PDE4D: variants seen among roughly 807,000 people sequenced by gnomAD.
PDE4D encodes phosphodiesterase 4D.
Under a neutral mutation model 87.4 loss-of-function variants are expected in PDE4D, and 24 were observed. The ratio of observed to expected loss-of-function variants is 0.27; its 90% CI spans 0.20 to 0.39. The LOEUF is 0.39. PDE4D is among the 10% of genes least tolerant of loss of function. PDE4D has a pLI of 1.00. For missense variants in PDE4D, 714 were observed against 1,041.0 expected, an observed-to-expected ratio of 0.69 and a Z score of 4.32; for synonymous variants, 384 against 383.2, an observed-to-expected ratio of 1.00 and a Z score of -0.02.
rs186055075 is a variant in PDE4D at position 60,050,797 on chromosome 5, C to G, written c.43-62080G>C. On this transcript the variant is annotated intron_variant, in intron 2 of 16. Coordinates refer to the PDE4D transcript ENST00000502484. ...TGCTGTATTCAGGAGACCAATCTCA[C>G]GTGCAACAACACACATAGGCTCAAA... 2.2e-4 allele frequency among the ~76,000 whole-genome samples: 33 copies of G among 152,218 alleles called. 1 individual carries two copies. Among genetic ancestry groups the G allele is most frequent in the South Asian group, 6.2e-4 (3 of 4,816 alleles).
chr5:60,330,126 A>C (rs1184918828), intron 1 of PDE4D, among the ~76,000 whole-genome samples: 1 of 152,212 alleles, frequency 6.6e-6, no homozygotes, highest in Non-Finnish European at 1.5e-5. Context: ...GTATAGAGGA[A>C]AATGTAAGAT....
At chr5:60,337,135 C>T (rs541364653) in intron 1 of PDE4D, among the ~76,000 whole-genome samples, 101 of 140,496 alleles carry the variant, frequency 7.2e-4, no homozygotes, top group Admixed American at 1.7e-3. Context: ...GCCTGGCCGA[C>T]ATGGTGAACC....
At chr5:59,825,551 T>C (rs2152692245) in intron 1 of PDE4D, among the ~76,000 whole-genome samples, 1 of 152,258 alleles carries the variant, frequency 6.6e-6, no homozygotes, top group Non-Finnish European at 1.5e-5. Flanking sequence ...TTCTTGTCCA[T>C]GGTGGCCGCA....
chr5:59,252,997 A>G (rs1314985983), intron 1 of PDE4D, among the ~76,000 whole-genome samples: 1 of 152,170 alleles, frequency 6.6e-6, no homozygotes, highest in Non-Finnish European at 1.5e-5. Flanking sequence ...CATGGTTCTT[A>G]GCATTGCAAT....
chr5:60,428,088 A>G (rs930875815), intron 1 of PDE4D, among the ~76,000 whole-genome samples: 5 of 152,162 alleles, frequency 3.3e-5, no homozygotes, highest in Admixed American at 2.0e-4. Flanking sequence ...AAATAAAAAG[A>G]AAATAAAAGA....
intron 1 of PDE4D, among the ~76,000 whole-genome samples, chr5:59,615,319 G>A (rs1429853673): frequency 1.3e-5 from 2 of 152,126 alleles, no homozygotes; most frequent in Non-Finnish European, 2.9e-5. Context: ...AGTAGTCCTG[G>A]TACACTATGA....
chr5:59,928,442 G>A (rs550882813), intron 3 of PDE4D, among the ~76,000 whole-genome samples: 3 of 152,128 alleles, frequency 2.0e-5, no homozygotes, highest in Non-Finnish European at 4.4e-5. Context: ...GCCAGGTGTG[G>A]TGGTGCGCGC....
chr5:60,363,462 G>A (rs1054740677), intron 1 of PDE4D, among the ~76,000 whole-genome samples: 14 of 152,104 alleles, frequency 9.2e-5, no homozygotes, highest in East Asian at 5.8e-4. Context: ...ATTGTAATTC[G>A]TCCATCTAAC....
At chr5:60,401,143 G>A (rs550599623) in intron 1 of PDE4D, among the ~76,000 whole-genome samples, 2 of 152,270 alleles carry the variant, frequency 1.3e-5, no homozygotes, top group Non-Finnish European at 2.9e-5. Context: ...CGGGGAAGAT[G>A]TTTAGCAAAC....
chr5:59,881,341 T>A (rs1486807889), intron 1 of PDE4D, among the ~76,000 whole-genome samples: 4 of 152,184 alleles, frequency 2.6e-5, no homozygotes, highest in African/African-American at 4.8e-5. Flanking sequence ...GAAATTAGTA[T>A]CTAATGTCCT....
chr5:59,296,533 A>G (rs996484520), intron 1 of PDE4D, among the ~76,000 whole-genome samples: 15 of 152,318 alleles, frequency 9.8e-5, no homozygotes, highest in Middle Eastern at 6.8e-3. Flanking sequence ...ACTAACATTT[A>G]TTCAATACCT....
intron 1 of PDE4D, among the ~76,000 whole-genome samples, chr5:59,740,940 T>C (rs1410454183): frequency 2.0e-5 from 3 of 152,170 alleles, no homozygotes; most frequent in Non-Finnish European, 4.4e-5. Context: ...GCACCTAGTG[T>C]AAGTCAAAGT....
At chr5:60,233,561 C>T (rs891652447) in intron 1 of PDE4D, among the ~76,000 whole-genome samples, 5 of 151,018 alleles carry the variant, frequency 3.3e-5, no homozygotes, top group African/African-American at 1.2e-4. Flanking sequence ...ACTAACATTT[C>T]CTTTTTTTTT....
chr5:59,894,087 C>A (rs1172306668), upstream of PDE4D, among the ~76,000 whole-genome samples: 5 of 152,144 alleles, frequency 3.3e-5, no homozygotes, highest in Admixed American at 2.6e-4. Flanking sequence ...AAAAGTTGGA[C>A]AGCTCCAGGC....
chr5:59,368,648 T>A (rs1783465276), intron 1 of PDE4D, among the ~76,000 whole-genome samples: 1 of 152,200 alleles, frequency 6.6e-6, no homozygotes, highest in Admixed American at 6.5e-5. Flanking sequence ...AAAAGTAAAT[T>A]ACTGTGGAAT....
At chr5:59,474,151 CACTA>C (rs1436704393) in intron 1 of PDE4D, among the ~76,000 whole-genome samples, 37 of 152,134 alleles carry the variant, frequency 2.4e-4, no homozygotes, top group Non-Finnish European at 8.8e-5. Context: ...AGTGGCATAA[CACTA>C]ACAAGAGCAA....
At chr5:60,255,941 G>A (rs992622590) in intron 1 of PDE4D, among the ~76,000 whole-genome samples, 3 of 151,858 alleles carry the variant, frequency 2.0e-5, no homozygotes, top group Non-Finnish European at 4.4e-5. Flanking sequence ...ACTTGATGGT[G>A]TCATTTGAAT....
At chr5:60,517,463 A>G (rs1427574426) in intron 1 of PDE4D, among the ~76,000 whole-genome samples, 1 of 152,238 alleles carries the variant, frequency 6.6e-6, no homozygotes, top group Admixed American at 6.5e-5. Context: ...ACAGCTGTCC[A>G]TAGACCAATT....
intron 2 of PDE4D, among the ~76,000 whole-genome samples, chr5:60,045,116 T>C (rs1408668331): frequency 1.3e-5 from 2 of 152,162 alleles, no homozygotes; most frequent in Non-Finnish European, 2.9e-5. Flanking sequence ...TGATGGCCAG[T>C]GATGGTGAGC....
Sources: gnomAD v4.1 joint callset for allele counts (sites outside exome capture counted in the v4.1 genomes callset) on GRCh38, gnomAD v4.1.1 for gene constraint, MANE v1.5 for transcripts, NCBI Gene and HGNC (gene_info 2026-07-23, HGNC 2026-07-21) for gene names.